The following SEM1 variants were observed in gnomAD, a reference collection of about 807,000 sequenced individuals.
The protein encoded by SEM1 is SEM1 26S proteasome subunit.
Under a neutral mutation model 12.7 loss-of-function variants are expected in SEM1, and 3 were observed. That is an observed-to-expected ratio of 0.24 (90% CI 0.11 to 0.61). SEM1 has a LOEUF of 0.61. SEM1 is among the 20% of genes least tolerant of loss of function. SEM1 has a pLI of 0.88. For missense variants in SEM1, 59 were observed against 81.3 expected, an observed-to-expected ratio of 0.73 and a Z score of 1.06; for synonymous variants, 30 against 27.8, an observed-to-expected ratio of 1.08 and a Z score of -0.25.
upstream of SEM1, among the ~76,000 whole-genome samples, chr7:96,498,313 G>A (rs1317042533): frequency 2.0e-5 from 3 of 152,074 alleles, no homozygotes; most frequent in African/African-American, 4.8e-5. Flanking sequence ...ATTGAAATTC[G>A]TAGAGAATCT....
intron 2 of SEM1, among the ~76,000 whole-genome samples, chr7:96,654,476 T>A (rs142603283): frequency 3.9e-5 from 6 of 152,304 alleles, no homozygotes; most frequent in African/African-American, 1.4e-4. Flanking sequence ...CTTTGAATTT[T>A]GAATTTTGAT....
At chr7:96,644,634 C>T (rs1808724488) in intron 2 of SEM1, among the ~76,000 whole-genome samples, 1 of 152,102 alleles carries the variant, frequency 6.6e-6, no homozygotes, top group South Asian at 2.1e-4. Context: ...GCTCTGTGCA[C>T]CCAGTTTCCC....
At chr7:96,585,439 C>T (rs1358411636) in intron 2 of SEM1, among the ~76,000 whole-genome samples, 15 of 146,946 alleles carry the variant, frequency 1.0e-4, no homozygotes, top group Non-Finnish European at 2.0e-4. Context: ...TGCCCTGCCC[C>T]CAGAGGTGGA....
chr7:96,590,509 G>A (rs116775058), intron 2 of SEM1, among the ~76,000 whole-genome samples: 2,623 of 152,248 alleles, frequency 0.017, 90 homozygotes, highest in African/African-American at 0.059. Flanking sequence ...TTAAGGAAAC[G>A]TAATGATTAT....
At chr7:96,602,646 T>C (rs1458908930) in intron 2 of SEM1, among the ~76,000 whole-genome samples, 1 of 152,226 alleles carries the variant, frequency 6.6e-6, no homozygotes, top group African/African-American at 2.4e-5. Flanking sequence ...CCCCTAATTG[T>C]ATTTGGGAAA....
At chr7:96,615,222 G>A (rs1807671627) in intron 2 of SEM1, among the ~76,000 whole-genome samples, 1 of 107,396 alleles carries the variant, frequency 9.3e-6, no homozygotes, top group Admixed American at 9.5e-5. Flanking sequence ...CTGGACTGTT[G>A]GGTTATTTTT....
chr7:96,534,361 T>G (rs567533069), intron 2 of SEM1, among the ~76,000 whole-genome samples: 1 of 152,246 alleles, frequency 6.6e-6, no homozygotes, highest in Non-Finnish European at 1.5e-5. Flanking sequence ...GAATGTGATC[T>G]GTTGATACTG....
chr7:96,606,610 G>C (rs149210536), intron 2 of SEM1, among the ~76,000 whole-genome samples: 1 of 152,290 alleles, frequency 6.6e-6, no homozygotes, highest in African/African-American at 2.4e-5. Context: ...ATTTTTCAGA[G>C]ATATTTTTCA....
chr7:96,574,190 G>GT (rs1410403626), intron 2 of SEM1, among the ~76,000 whole-genome samples: 1 of 151,984 alleles, frequency 6.6e-6, no homozygotes, highest in Non-Finnish European at 1.5e-5. Flanking sequence ...GTGGTGTTTG[G>GT]TTTTTTGTCC....
Position 96,655,903 on chromosome 7 carries a change from T to TAATA in SEM1, c.171-33264_171-33261dup, listed in dbSNP as rs1419355809. Among the ~76,000 whole-genome samples the TAATA allele has an allele frequency of 2.0e-5, 3 of 152,224 alleles. No homozygotes were observed. The East Asian group carries it at 5.8e-4, about 29-fold the overall frequency. On this transcript the variant is annotated intron_variant, in intron 2 of 2. Coordinates refer to the SEM1 transcript ENST00000417009. The stretch of plus-strand genomic sequence containing the variant: ...AGGACTAGAGATACAACTTTTATTA[T>TAATA]AATAGTGAAAAGTGAAAATGGAACT...
At chr7:96,514,756 A>G (rs984742628) in intron 2 of SEM1, among the ~76,000 whole-genome samples, 1 of 152,020 alleles carries the variant, frequency 6.6e-6, no homozygotes, top group Non-Finnish European at 1.5e-5. Context: ...GAAGGAAATA[A>G]AAAAGGTTTT....
chr7:96,580,125 C>A (rs1157003880), intron 2 of SEM1, among the ~76,000 whole-genome samples: 1 of 126,280 alleles, frequency 7.9e-6, no homozygotes, highest in African/African-American at 3.0e-5. Flanking sequence ...CCCCCTCCCC[C>A]CACCCCACAA....
At chr7:96,627,101 C>G (rs1184862021) in intron 2 of SEM1, among the ~76,000 whole-genome samples, 2 of 152,136 alleles carry the variant, frequency 1.3e-5, no homozygotes, top group East Asian at 1.9e-4. Flanking sequence ...TCTGCAGTAT[C>G]AGTTGTAATG....
chr7:96,708,129 A>G (rs1790527239), intron 1 of SEM1: 1 of 152,234 alleles, frequency 6.6e-6, no homozygotes, highest in Non-Finnish European at 1.5e-5. Flanking sequence ...ATTAAGTTTG[A>G]GTAAGAAGTA....
At chr7:96,630,784 C>T (rs1490530766) in intron 2 of SEM1, among the ~76,000 whole-genome samples, 1 of 152,202 alleles carries the variant, frequency 6.6e-6, no homozygotes, top group Non-Finnish European at 1.5e-5. Flanking sequence ...ACCCAAGGCC[C>T]TTGCCATGAT....
chr7:96,566,565 C>A (rs757237714), intron 2 of SEM1, among the ~76,000 whole-genome samples: 1 of 151,468 alleles, frequency 6.6e-6, no homozygotes, highest in Admixed American at 6.6e-5. Context: ...TTATATATAG[C>A]ATATTACAAA....
chr7:96,686,236 A>ATC (rs1179866011), downstream of SEM1, among the ~76,000 whole-genome samples: 1 of 152,100 alleles, frequency 6.6e-6, no homozygotes, highest in African/African-American at 2.4e-5. Context: ...TGCCTGACTA[A>ATC]TCTCCTTTCC....
chr7:96,515,339 C>T lies in SEM1; in HGVS notation c.171-8641G>A, dbSNP rs142472382. Among the ~76,000 whole-genome samples the T allele has an allele frequency of 2.3e-3, 344 of 152,206 alleles. 3 individuals carry two copies. The highest frequency in any genetic ancestry group is 7.8e-3 in the African/African-American group (326 of 41,546). On this transcript the variant is annotated intron_variant and NMD_transcript_variant, in intron 2 of 3. Coordinates refer to the SEM1 transcript ENST00000466986. ...AACCACAAAGGGATACCATCTCACG[C>T]CAATTAGAATGATGATCATTAAAAA...
At chr7:96,672,915 A>C (rs1042235617), downstream of SEM1, 1 of 152,176 alleles carries the variant, frequency 6.6e-6, no homozygotes, top group African/African-American at 2.4e-5. Flanking sequence ...GTGTGACCTT[A>C]AGTAAATCAC....
Sources: gnomAD v4.1 joint callset for allele counts (sites outside exome capture counted in the v4.1 genomes callset) on GRCh38, gnomAD v4.1.1 for gene constraint, MANE v1.5 for transcripts, NCBI Gene and HGNC (gene_info 2026-07-23, HGNC 2026-07-21) for gene names.